UHRF1: variants seen among roughly 807,000 people sequenced by gnomAD.
The protein encoded by UHRF1 is E3 ubiquitin-protein ligase UHRF1.
A neutral mutation model predicts 96.5 loss-of-function variants in UHRF1; 9 were observed. That is an observed-to-expected ratio of 0.09 (90% CI 0.06 to 0.16). The LOEUF (loss-of-function observed/expected upper bound fraction) is 0.16. Among genes scored for constraint, UHRF1 ranks in the 10% least tolerant of loss-of-function variants. UHRF1 has a pLI of 1.00. For synonymous variants in UHRF1, 455 were observed against 469.9 expected, an observed-to-expected ratio of 0.97 and a Z score of 0.41; for missense variants, 626 against 1,131.1, an observed-to-expected ratio of 0.55 and a Z score of 6.40.
chr19:4,939,549 CA>C (rs2033320976), intron 5 of UHRF1, among the ~76,000 whole-genome samples: 1 of 151,978 alleles, frequency 6.6e-6, no homozygotes, highest in African/African-American at 2.4e-5. Flanking sequence ...TCATTTGTCC[CA>C]GGAGTTCCAA....
At chr19:4,951,551 G>C (rs2033717753) in intron 13 of UHRF1, among the ~76,000 whole-genome samples, 1 of 152,126 alleles carries the variant, frequency 6.6e-6, no homozygotes, top group Non-Finnish European at 1.5e-5. Flanking sequence ...GGGGGTGATG[G>C]GAACGCGCAG....
At chr19:4,952,671 T>C (rs1265011168) in intron 13 of UHRF1, among the ~76,000 whole-genome samples, 2 of 151,740 alleles carry the variant, frequency 1.3e-5, no homozygotes, top group African/African-American at 2.4e-5. Flanking sequence ...TGTGAGCCGC[T>C]GACCCTGGCC....
At chr19:4,944,950 C>T (rs1407464885) in intron 9 of UHRF1, among the ~76,000 whole-genome samples, 2 of 152,206 alleles carry the variant, frequency 1.3e-5, no homozygotes, top group Non-Finnish European at 2.9e-5. Context: ...ACTCCATGTC[C>T]TCCCAAGTCA....
intron 5 of UHRF1, among the ~76,000 whole-genome samples, chr19:4,941,151 C>CG (rs1376715579): frequency 1.5e-5 from 2 of 131,188 alleles, no homozygotes; most frequent in Non-Finnish European, 3.1e-5. Flanking sequence ...AGTGCAGTGG[C>CG]GCGATCTTGG....
chr19:4,905,188 C>A (rs914321882), upstream of UHRF1, among the ~76,000 whole-genome samples: 1 of 140,248 alleles, frequency 7.1e-6, no homozygotes, highest in Non-Finnish European at 1.5e-5. Context: ...GTGATCTCGG[C>A]TCACTGCAAG....
chr19:4,907,415 C>T (rs541764429), upstream of UHRF1, among the ~76,000 whole-genome samples: 1 of 151,546 alleles, frequency 6.6e-6, no homozygotes, highest in South Asian at 2.1e-4. Flanking sequence ...ATTACAGGCG[C>T]CGGCCACCAC....
chr19:4,903,636 G>C (rs2031995192), exon 1 of UHRF1: 1 of 152,012 alleles, frequency 6.6e-6, no homozygotes, highest in African/African-American at 2.4e-5. Context: ...CCAAGTACCT[G>C]AGATTACAGG....
chr19:4,924,307 G>A (rs934212348), intron 2 of UHRF1, among the ~76,000 whole-genome samples: 5 of 152,174 alleles, frequency 3.3e-5, no homozygotes, highest in East Asian at 1.9e-4. Flanking sequence ...CCGCCACCAC[G>A]CCTGGCTAAT....
At chr19:4,925,612 C>G (rs908218406) in intron 2 of UHRF1, among the ~76,000 whole-genome samples, 10 of 152,138 alleles carry the variant, frequency 6.6e-5, no homozygotes, top group Non-Finnish European at 1.5e-4. Context: ...ACCTCCGTCT[C>G]CCAGGTTCAA....
At chr19:4,926,750 G>A (rs1599257893) in intron 2 of UHRF1, among the ~76,000 whole-genome samples, 3 of 150,568 alleles carry the variant, frequency 2.0e-5, no homozygotes, top group Admixed American at 2.0e-4. Context: ...TGGCAACAGA[G>A]TGAGATCCTT....
chr19:4,940,359 A>ATTTTTTTTT lies in UHRF1; in HGVS notation c.786-1153_786-1145dup, dbSNP rs543779456. On this transcript the variant is annotated intron_variant, in intron 5 of 16. Transcript: ENST00000650932. ...CATTGGATCAAGCGTTGCCTTTATGATTTTTTTTTTTTTTTTTTTTTTTTG... is the reference window on the plus strand; with the variant it reads ...CATTGGATCAAGCGTTGCCTTTATGATTTTTTTTTTTTTTTTTTTTTTTTTTTTTTTTTG... 4.8e-4 allele frequency among the ~76,000 whole-genome samples: 32 copies of ATTTTTTTTT among 67,062 alleles called. 2 individuals are homozygous for ATTTTTTTTT. Among genetic ancestry groups the ATTTTTTTTT allele is most frequent in the East Asian group, 1.2e-3 (2 of 1,672 alleles). The allele number at this position is 67,062 out of a possible 152,430, so 44.0% of individuals were successfully genotyped here.
At chr19:4,945,832 C>T in intron 9 of UHRF1, 29 bp from the exon 10 acceptor site, 1 of 1,570,714 alleles carries the variant, frequency 6.4e-7, no homozygotes, top group Non-Finnish European at 8.7e-7. Context: ...TTGCAGAGGA[C>T]ACCATGTATA....
intron 13 of UHRF1, among the ~76,000 whole-genome samples, chr19:4,952,554 C>T (rs1180734270): frequency 6.6e-6 from 1 of 150,704 alleles, no homozygotes; most frequent in East Asian, 2.0e-4. Context: ...CCACCATGCC[C>T]AGCTATTTTT....
upstream of UHRF1, among the ~76,000 whole-genome samples, chr19:4,907,089 A>G (rs1023172005): frequency 1.3e-5 from 2 of 152,220 alleles, no homozygotes; most frequent in African/African-American, 4.8e-5. Context: ...ACAAAGGACC[A>G]CAAACTCAGT....
At chr19:4,929,180 C>T in intron 2 of UHRF1, 42 bp from the exon 3 acceptor site, 1 of 1,584,580 alleles carries the variant, frequency 6.3e-7, no homozygotes, top group Non-Finnish European at 8.6e-7. Context: ...GCCCACTTGG[C>T]ATTTGGTGGC....
intron 5 of UHRF1, among the ~76,000 whole-genome samples, chr19:4,941,091 T>TTG (rs2033382389): frequency 7.2e-6 from 1 of 138,024 alleles, no homozygotes; most frequent in African/African-American, 2.8e-5. Context: ...TTTTGTTTTT[T>TTG]TTTTTTTTTT....
intron 5 of UHRF1, among the ~76,000 whole-genome samples, chr19:4,936,938 A>G (rs262566): frequency 0.54 from 81,507 of 151,958 alleles, 23,035 homozygotes; most frequent in African/African-American, 0.67. Flanking sequence ...ATACAGTCAA[A>G]AGTGAGTTTC....
chr19:4,960,691 T>G lies in UHRF1; in HGVS notation c.2270T>G (p.Phe757Cys). The G allele has an allele frequency of 1.2e-6, 2 of 1,607,490 alleles. No individual in the cohort carries two copies. The highest frequency in any genetic ancestry group is 1.7e-6 in the Non-Finnish European group (2 of 1,177,374). ...CLDRSFRAQV[F>C]SCPACRYDLG... ...GACAGATCCTTTCGGGCACAGGTGTTCAGCTGCCCTGCCTGCCGCTACGAC... is the reference window on the plus strand; with the variant it reads ...GACAGATCCTTTCGGGCACAGGTGTGCAGCTGCCCTGCCTGCCGCTACGAC... The change falls in exon 17 of 17, where the codon TTC becomes TGC. Residue 757 changes from phenylalanine (F) to cysteine (C), a missense_variant. By Grantham distance (205) the Phe-to-Cys change is radical (BLOSUM62 -2). Transcript: ENST00000650932.
At chr19:4,952,674 C>G (rs1373348363) in intron 13 of UHRF1, among the ~76,000 whole-genome samples, 1 of 151,832 alleles carries the variant, frequency 6.6e-6, no homozygotes, top group African/African-American at 2.4e-5. Flanking sequence ...GAGCCGCTGA[C>G]CCTGGCCAGG....
Sources: gnomAD v4.1 joint callset for allele counts (sites outside exome capture counted in the v4.1 genomes callset) on GRCh38, gnomAD v4.1.1 for gene constraint, MANE v1.5 for transcripts, NCBI Gene and HGNC (gene_info 2026-07-23, HGNC 2026-07-21) for gene names.